Variants in TCF7L2 observed in about 807,000 individuals in gnomAD.
TCF7L2 encodes the protein transcription factor 7-like 2.
TCF7L2 carries 23 observed loss-of-function variants against 77.9 expected under a neutral mutation model. That is an observed-to-expected ratio of 0.30 (90% CI 0.21 to 0.42). The LOEUF is 0.42. Among genes scored for constraint, TCF7L2 ranks in the 10% least tolerant of loss-of-function variants. The pLI is 1.00. For synonymous variants in TCF7L2, 413 were observed against 340.2 expected (o/e 1.21, Z -2.36); for missense variants, 654 against 793.1 (o/e 0.82, Z 2.11).
chr10:113,146,725 A>T (rs1431073325), intron 8 of TCF7L2, among the ~76,000 whole-genome samples: 2 of 152,154 alleles, frequency 1.3e-5, no homozygotes, highest in African/African-American at 4.8e-5. Context: ...TTCCTGGACA[A>T]CAACTATTAA....
chr10:113,087,580 C>T (rs944907969), intron 5 of TCF7L2, among the ~76,000 whole-genome samples: 1 of 152,194 alleles, frequency 6.6e-6, no homozygotes, highest in African/African-American at 2.4e-5. Context: ...TACAAATCAG[C>T]TCTGTGAAGA....
At chr10:113,101,234 T>G (rs2061600719) in intron 5 of TCF7L2, among the ~76,000 whole-genome samples, 1 of 152,174 alleles carries the variant, frequency 6.6e-6, no homozygotes, top group Non-Finnish European at 1.5e-5. Flanking sequence ...CCTGCAAGCC[T>G]TTTGAGGAGG....
intron 4 of TCF7L2, among the ~76,000 whole-genome samples, chr10:112,964,949 T>C (rs2036395264): frequency 6.6e-6 from 1 of 152,056 alleles, no homozygotes; most frequent in Non-Finnish European, 1.5e-5. Context: ...CCGGGCATAA[T>C]GGGCACACAG....
intron 5 of TCF7L2, among the ~76,000 whole-genome samples, chr10:113,046,160 G>A (rs1447245216): frequency 1.3e-5 from 2 of 152,140 alleles, no homozygotes; most frequent in African/African-American, 4.8e-5. Flanking sequence ...GAAGAGTTTT[G>A]AAGTTTCCTG....
At chr10:112,964,671 T>C (rs373150008) in intron 4 of TCF7L2, 47 bp downstream of exon 4, 1 of 1,537,912 alleles carries the variant, frequency 6.5e-7, no homozygotes, top group African/African-American at 1.4e-5. Context: ...TATATGTAGG[T>C]CTCTTGTGTG....
chr10:113,051,770 C>G (rs957585196), intron 5 of TCF7L2, among the ~76,000 whole-genome samples: 2 of 152,122 alleles, frequency 1.3e-5, no homozygotes, highest in African/African-American at 4.8e-5. Flanking sequence ...TTCTTATTTT[C>G]ATATTTTTGG....
At chr10:112,995,781 C>T (rs1187209664) in intron 4 of TCF7L2, among the ~76,000 whole-genome samples, 1 of 152,120 alleles carries the variant, frequency 6.6e-6, no homozygotes, top group South Asian at 2.1e-4. Context: ...CCTTCAGAGT[C>T]GTGATCATGC....
intron 4 of TCF7L2, among the ~76,000 whole-genome samples, chr10:112,980,279 G>A (rs923467037): frequency 6.6e-6 from 1 of 152,232 alleles, no homozygotes; most frequent in Non-Finnish European, 1.5e-5. Flanking sequence ...AGGGCCTTCT[G>A]TGGTTTTTGT....
chr10:113,107,149 G>A (rs558050330), intron 5 of TCF7L2, among the ~76,000 whole-genome samples: 78 of 152,284 alleles, frequency 5.1e-4, no homozygotes, highest in African/African-American at 1.8e-3. Flanking sequence ...ATTATGTAAT[G>A]TTAAACTGGG....
chr10:113,026,821 T>C (rs994961682), intron 4 of TCF7L2, among the ~76,000 whole-genome samples: 4 of 152,224 alleles, frequency 2.6e-5, no homozygotes, highest in South Asian at 2.1e-4. Context: ...AACCAAAGCC[T>C]GGGAAACTTT....
chr10:113,118,342 T>G (rs2064161772), intron 5 of TCF7L2, among the ~76,000 whole-genome samples: 1 of 152,194 alleles, frequency 6.6e-6, no homozygotes, highest in African/African-American at 2.4e-5. Flanking sequence ...GAAATTTTAC[T>G]GGAAACTTGT....
chr10:113,055,778 T>G (rs1281221950), intron 5 of TCF7L2, among the ~76,000 whole-genome samples: 2 of 152,214 alleles, frequency 1.3e-5, no homozygotes, highest in Non-Finnish European at 2.9e-5. Flanking sequence ...GTTTTAAATT[T>G]TAATGCCCTC....
At chr10:112,973,658 C>A (rs565990564) in intron 4 of TCF7L2, among the ~76,000 whole-genome samples, 2 of 152,122 alleles carry the variant, frequency 1.3e-5, no homozygotes, top group Non-Finnish European at 2.9e-5. Context: ...GGTGCCATCT[C>A]GGCTCACTGC....
At chr10:113,063,222 A>G (rs1183472896) in intron 5 of TCF7L2, among the ~76,000 whole-genome samples, 1 of 152,142 alleles carries the variant, frequency 6.6e-6, no homozygotes, top group East Asian at 1.9e-4. Flanking sequence ...TATGTCTTAT[A>G]TCCTTGGAGT....
intron 4 of TCF7L2, 113 bp downstream of exon 4, chr10:112,964,737 T>C: frequency 2.4e-6 from 2 of 837,746 alleles, no homozygotes; most frequent in South Asian, 2.8e-5. Context: ...ATGATGATGA[T>C]GATGGTGGTG....
rs536342110 is a variant in TCF7L2 at position 113,080,818 on chromosome 10, T to A, written c.552+40692T>A. Among the ~76,000 whole-genome samples, 3 of 152,322 alleles carry A rather than the reference T, an allele frequency of 2.0e-5. No individual in the cohort carries two copies. In the East Asian group the frequency reaches 5.8e-4, roughly 29 times the overall value. On this transcript the variant is annotated intron_variant, in intron 5 of 13. Coordinates refer to ENST00000627217, the MANE Select transcript of TCF7L2 (RefSeq NM_001146274.2). Reference sequence around the variant, plus strand: ...TTCAGTTATTGCATCATGAAGACCCTCTGGAGTTTGATGTTGTCAGGAAAC... The same window carrying A: ...TTCAGTTATTGCATCATGAAGACCCACTGGAGTTTGATGTTGTCAGGAAAC...
At chr10:113,050,988 G>A (rs574009626) in intron 5 of TCF7L2, among the ~76,000 whole-genome samples, 1 of 151,980 alleles carries the variant, frequency 6.6e-6, no homozygotes, top group Non-Finnish European at 1.5e-5. Flanking sequence ...GCTGACATCT[G>A]TCTCTACACA....
At chr10:112,982,363 T>C (rs2040629024) in intron 4 of TCF7L2, among the ~76,000 whole-genome samples, 1 of 152,184 alleles carries the variant, frequency 6.6e-6, no homozygotes, top group Non-Finnish European at 1.5e-5. Flanking sequence ...CATGTGAGGC[T>C]CTGTCACAGG....
chr10:113,107,661 T>G (rs1291784651), intron 5 of TCF7L2, among the ~76,000 whole-genome samples: 1 of 143,928 alleles, frequency 6.9e-6, no homozygotes, highest in African/African-American at 2.6e-5. Context: ...GAGAATGGCG[T>G]GAACCCGGGA....
Sources: allele counts gnomAD v4.1 joint callset (sites outside exome capture counted in the v4.1 genomes callset), GRCh38; gene constraint gnomAD v4.1.1; transcripts MANE v1.5; gene names NCBI Gene and HGNC (gene_info 2026-07-23, HGNC 2026-07-21).